PRPSAP1: variants seen among roughly 807,000 people sequenced by gnomAD.
PRPSAP1 encodes phosphoribosyl pyrophosphate synthetase associated protein 1.
In PRPSAP1, 31 loss-of-function variants were observed where a neutral mutation model predicts 39.4. The ratio of observed to expected loss-of-function variants is 0.79; its 90% CI spans 0.59 to 1.06. PRPSAP1 has a LOEUF of 1.06. PRPSAP1 is among the 50% of genes least tolerant of loss of function. The pLI is 0.00. For synonymous variants in PRPSAP1, 212 were observed against 192.6 expected (o/e 1.10, Z -0.83); for missense variants, 430 against 511.6 (o/e 0.84, Z 1.54).
chr17:76,339,653 CT>C (rs1303173820), intron 3 of PRPSAP1, among the ~76,000 whole-genome samples: 1 of 151,542 alleles, frequency 6.6e-6, no homozygotes, highest in East Asian at 1.9e-4. Flanking sequence ...CATAAAGAAA[CT>C]TCACCATCTT....
chr17:76,341,159 C>T (rs1474670391), intron 3 of PRPSAP1, among the ~76,000 whole-genome samples: 4 of 151,814 alleles, frequency 2.6e-5, no homozygotes, highest in African/African-American at 9.7e-5. Context: ...TCAGTCTTTT[C>T]CTGGAGAAGT....
chr17:76,313,296 G>C (rs1368109517), intron 8 of PRPSAP1: 1 of 328,934 alleles, frequency 3.0e-6, no homozygotes, highest in African/African-American at 2.1e-5. Flanking sequence ...CACGTTTCTG[G>C]TGAATCCCAC....
At chr17:76,354,119 C>T (rs1289164204), upstream of PRPSAP1, 4 of 1,009,356 alleles carry the variant, frequency 4.0e-6, no homozygotes, top group Non-Finnish European at 4.7e-6. Flanking sequence ...CAGCCTACCT[C>T]GGTAGTGGCC....
At chr17:76,317,372 T>C (rs1165190905) in intron 7 of PRPSAP1, among the ~76,000 whole-genome samples, 1 of 140,406 alleles carries the variant, frequency 7.1e-6, no homozygotes, top group Non-Finnish European at 1.5e-5. Flanking sequence ...AAAAAAAAAA[T>C]CAACAGTCAG....
chr17:76,344,993 TG>T, intron 2 of PRPSAP1, among the ~76,000 whole-genome samples: 1 of 151,848 alleles, frequency 6.6e-6, no homozygotes, highest in Non-Finnish European at 1.5e-5. Flanking sequence ...CCCAGCACTT[TG>T]GGAGGCCGAG....
chr17:76,334,059 C>T (rs2071354115), intron 3 of PRPSAP1, among the ~76,000 whole-genome samples: 2 of 152,294 alleles, frequency 1.3e-5, no homozygotes, highest in Middle Eastern at 3.4e-3. Flanking sequence ...CAGACAGGCT[C>T]TTCCTTTAAA....
intron 7 of PRPSAP1, among the ~76,000 whole-genome samples, chr17:76,318,412 T>C (rs535587186): frequency 6.6e-6 from 1 of 152,272 alleles, no homozygotes; most frequent in African/African-American, 2.4e-5. Context: ...ATCGCACCAC[T>C]GCACTCTAGT....
At chr17:76,352,644 CA>C (rs55986677) in intron 1 of PRPSAP1, among the ~76,000 whole-genome samples, 810 of 53,586 alleles carry the variant, frequency 0.015, no homozygotes, top group African/African-American at 0.036. Context: ...GACTCCGTCT[CA>C]AAAAAAAAAA....
At chr17:76,328,101 G>A (rs2071272455) in intron 7 of PRPSAP1, among the ~76,000 whole-genome samples, 1 of 151,744 alleles carries the variant, frequency 6.6e-6, no homozygotes, top group Admixed American at 6.6e-5. Context: ...GGAGGCGGAG[G>A]TGGGAGAATC....
At chr17:76,312,180 C>T (rs2071076557) in intron 9 of PRPSAP1, among the ~76,000 whole-genome samples, 1 of 152,156 alleles carries the variant, frequency 6.6e-6, no homozygotes, top group Non-Finnish European at 1.5e-5. Flanking sequence ...GTGGCTCATG[C>T]TTGTAATCCT....
chr17:76,328,089 C>A (rs1239363955), intron 7 of PRPSAP1, among the ~76,000 whole-genome samples: 1 of 151,414 alleles, frequency 6.6e-6, no homozygotes, highest in Non-Finnish European at 1.5e-5. Flanking sequence ...CCCAGCTACC[C>A]AGGAGGCGGA....
intron 3 of PRPSAP1, among the ~76,000 whole-genome samples, chr17:76,337,735 A>G (rs1205603253): frequency 6.6e-6 from 1 of 152,150 alleles, no homozygotes; most frequent in East Asian, 1.9e-4. Flanking sequence ...CCTTCCGAAT[A>G]TCTGGGATTA....
At chr17:76,338,534 C>A (rs1240463900) in intron 3 of PRPSAP1, among the ~76,000 whole-genome samples, 3 of 151,948 alleles carry the variant, frequency 2.0e-5, no homozygotes, top group Non-Finnish European at 4.4e-5. Flanking sequence ...GAAACCCCAT[C>A]TCTACTAAAA....
chr17:76,350,311 C>T (rs1330348962), intron 1 of PRPSAP1, among the ~76,000 whole-genome samples: 1 of 151,390 alleles, frequency 6.6e-6, no homozygotes, highest in African/African-American at 2.4e-5. Flanking sequence ...TGGTGGAGGG[C>T]GCCTGTAGTC....
intron 1 of PRPSAP1, among the ~76,000 whole-genome samples, chr17:76,351,555 C>T (rs1357808990): frequency 3.3e-5 from 5 of 151,978 alleles, no homozygotes; most frequent in Non-Finnish European, 5.9e-5. Context: ...GGTGTGGTGT[C>T]GGGCATCTGT....
intron 3 of PRPSAP1, among the ~76,000 whole-genome samples, chr17:76,334,745 C>T (rs2143510885): frequency 6.6e-6 from 1 of 152,220 alleles, no homozygotes; most frequent in East Asian, 1.9e-4. Flanking sequence ...TTCCAGTTAC[C>T]TTTTATTTTT....
chr17:76,350,704 G>A (rs2071558802), intron 1 of PRPSAP1, among the ~76,000 whole-genome samples: 2 of 152,046 alleles, frequency 1.3e-5, no homozygotes, highest in Admixed American at 6.6e-5. Flanking sequence ...CACTGTGAAT[G>A]TAGTTAAAGC....
chr17:76,354,116 C>A (rs1017423832), upstream of PRPSAP1: 5 of 1,012,154 alleles, frequency 4.9e-6, no homozygotes, highest in Non-Finnish European at 5.9e-6. Flanking sequence ...GAGCAGCCTA[C>A]CTCGGTAGTG....
intron 7 of PRPSAP1, among the ~76,000 whole-genome samples, chr17:76,325,222 A>G (rs1361567827): frequency 1.3e-5 from 2 of 151,278 alleles, no homozygotes; most frequent in Non-Finnish European, 2.9e-5. Flanking sequence ...ATCCTGGCTA[A>G]CTCGGTGAAA....
Sources: gnomAD v4.1 joint callset for allele counts (sites outside exome capture counted in the v4.1 genomes callset) on GRCh38, gnomAD v4.1.1 for gene constraint, MANE v1.5 for transcripts, NCBI Gene and HGNC (gene_info 2026-07-23, HGNC 2026-07-21) for gene names.